The following SEL1L3 variants were observed in gnomAD, a reference collection of about 807,000 sequenced individuals.
The protein encoded by SEL1L3 is SEL1L family member 3, also known as protein sel-1 homolog 3.
Under a neutral mutation model 142.8 loss-of-function variants are expected in SEL1L3, and 76 were observed. The observed-to-expected ratio is 0.53, with a 90% CI of 0.44 to 0.64. The LOEUF (loss-of-function observed/expected upper bound fraction) is 0.64. SEL1L3 is among the 30% of genes least tolerant of loss of function. SEL1L3 has a pLI of 0.00. For synonymous variants in SEL1L3, 504 were observed against 519.6 expected (o/e 0.97, Z 0.41); for missense variants, 1,262 against 1,381.7 (o/e 0.91, Z 1.37).
chr4:25,744,740 G>A (rs1036910259), downstream of SEL1L3, among the ~76,000 whole-genome samples: 1 of 152,164 alleles, frequency 6.6e-6, no homozygotes, highest in Non-Finnish European at 1.5e-5. Context: ...CCCAACAAAT[G>A]TGTGTGGGTC....
rs1714529364 is a variant in SEL1L3 at position 25,818,277 on chromosome 4, GC to G, written c.1424del (p.Cys475SerfsTer29). On this transcript the variant is annotated frameshift_variant and splice_region_variant, in exon 9 of 24. Coordinates refer to ENST00000399878, the MANE Select transcript of SEL1L3 (RefSeq NM_015187.5). LOFTEE classifies it high-confidence loss of function. ...GGTCCAGGTAGGAGTTGTGGAGGTG[GC>G]CTACACAGAAGAGGGAGCAGAAGAT... ...AKHGGERQEA[C>X]HLHNSYLDLQ... 2 of 1,597,500 alleles carry G rather than the reference GC, an allele frequency of 1.3e-6. No individual in the cohort carries two copies. Among genetic ancestry groups the G allele is most frequent in the Non-Finnish European group, 8.5e-7 (1 of 1,171,822 alleles).
At chr4:25,768,917 A>AG (rs921114172) in intron 17 of SEL1L3, among the ~76,000 whole-genome samples, 11 of 152,226 alleles carry the variant, frequency 7.2e-5, no homozygotes, top group African/African-American at 2.6e-4. Flanking sequence ...AAATAAGCAG[A>AG]GAAAAAAAAA....
At chr4:25,782,559 A>G in intron 14 of SEL1L3, 141 bp from the exon 15 acceptor site, 1 of 726,968 alleles carries the variant, frequency 1.4e-6, no homozygotes, top group South Asian at 2.0e-5. Flanking sequence ...GGCATTAAAG[A>G]AAAGCTAAGT....
chr4:25,763,124 G>GA (rs1269804199), intron 20 of SEL1L3, among the ~76,000 whole-genome samples: 2 of 149,972 alleles, frequency 1.3e-5, no homozygotes, highest in African/African-American at 2.5e-5. Context: ...TATTTTTCTT[G>GA]AAAAAATTAT....
intron 20 of SEL1L3, among the ~76,000 whole-genome samples, chr4:25,760,672 CCT>C (rs1718315234): frequency 6.6e-6 from 1 of 152,024 alleles, no homozygotes; most frequent in Admixed American, 6.5e-5. Flanking sequence ...TTATATCTTC[CCT>C]CTGACCTTGC....
intron 11 of SEL1L3, among the ~76,000 whole-genome samples, chr4:25,799,879 T>C (rs1410325280): frequency 1.3e-5 from 2 of 151,986 alleles, no homozygotes; most frequent in African/African-American, 4.8e-5. Context: ...GAGGTGTAGA[T>C]GAGATCTCTG....
At chr4:25,826,677 TTTTTG>T (rs376411871) in intron 6 of SEL1L3, among the ~76,000 whole-genome samples, 3 of 152,022 alleles carry the variant, frequency 2.0e-5, no homozygotes, top group Non-Finnish European at 4.4e-5. Context: ...TTTGTTTTGT[TTTTTG>T]TTTTGTTTTG....
the SEL1L3 span, among the ~76,000 whole-genome samples, chr4:25,730,092 C>T: frequency 2.2e-4 from 33 of 151,788 alleles, no homozygotes; most frequent in African/African-American, 7.5e-4. Context: ...CGCCACCATG[C>T]CTGGCTAATT....
chr4:25,805,224 G>T (rs187088621), intron 9 of SEL1L3, among the ~76,000 whole-genome samples: 1 of 152,046 alleles, frequency 6.6e-6, no homozygotes, highest in East Asian at 1.9e-4. Flanking sequence ...TTTTCTCATG[G>T]GTCTCCAAAT....
chr4:25,759,964 T>C (rs548562982), intron 20 of SEL1L3: 97 of 152,358 alleles, frequency 6.4e-4, no homozygotes, highest in African/African-American at 2.2e-3. Context: ...ATGTACAGGT[T>C]TGTCATACAG....
chr4:25,790,739 G>A (rs1229020995), intron 11 of SEL1L3, among the ~76,000 whole-genome samples, 165 bp from the exon 12 acceptor site: 2 of 118,162 alleles, frequency 1.7e-5, no homozygotes, highest in Admixed American at 1.6e-4. Flanking sequence ...AGGGAAGGAA[G>A]GAAGGAAGGA....
chr4:25,721,461 AAGAT>A, the SEL1L3 span, among the ~76,000 whole-genome samples: 2 of 152,064 alleles, frequency 1.3e-5, no homozygotes, highest in Non-Finnish European at 2.9e-5. Flanking sequence ...TCTCGGTAGA[AAGAT>A]AGAAAAAAAA....
At chr4:25,850,126 T>G (rs1459208291) in intron 1 of SEL1L3, among the ~76,000 whole-genome samples, 1 of 152,096 alleles carries the variant, frequency 6.6e-6, no homozygotes. Flanking sequence ...CACGCAGGTA[T>G]GAGGTTAAAA....
chr4:25,780,508 C>T (rs1464643261), intron 15 of SEL1L3, among the ~76,000 whole-genome samples: 2 of 151,952 alleles, frequency 1.3e-5, no homozygotes, highest in Non-Finnish European at 2.9e-5. Context: ...CCCTGGCCTC[C>T]CTGCTGCTCC....
intron 2 of SEL1L3, among the ~76,000 whole-genome samples, chr4:25,839,157 G>T (rs1716015181): frequency 6.6e-6 from 1 of 152,220 alleles, no homozygotes; most frequent in African/African-American, 2.4e-5. Context: ...TCAAAAGCCA[G>T]TGGCCAATAA....
chr4:25,788,401 C>T lies in SEL1L3; in HGVS notation c.2077-37G>A. On this transcript the variant is annotated intron_variant, in intron 12 of 23. Coordinates refer to ENST00000399878, the MANE Select transcript of SEL1L3 (RefSeq NM_015187.5). This position sits in a 1 kb window ranked among gnomAD's most constrained non-coding sequence, Gnocchi z 5.3. ...TAGCAATTTAGAACAATGACTTTTC[C>T]TGTATAATGCTTAACACAAGATTTT... 1 of 1,605,784 alleles carries T rather than the reference C, an allele frequency of 6.2e-7. No individual in the cohort carries two copies. Among genetic ancestry groups the T allele is most frequent in the Non-Finnish European group, 8.5e-7 (1 of 1,175,400 alleles).
intron 9 of SEL1L3, among the ~76,000 whole-genome samples, chr4:25,817,410 C>G (rs1326929733): frequency 6.6e-6 from 1 of 152,220 alleles, no homozygotes; most frequent in African/African-American, 2.4e-5. Context: ...TTTCCTCTTC[C>G]TAACAGGCAT....
At chr4:25,783,228 T>C (rs1215871296) in intron 14 of SEL1L3, among the ~76,000 whole-genome samples, 1 of 152,230 alleles carries the variant, frequency 6.6e-6, no homozygotes, top group African/African-American at 2.4e-5. Flanking sequence ...CTTTTCTACT[T>C]CTGCCCTAGA....
chr4:25,799,472 C>T (rs1483042861), intron 11 of SEL1L3, among the ~76,000 whole-genome samples: 6 of 152,106 alleles, frequency 3.9e-5, no homozygotes, highest in South Asian at 2.1e-4. Flanking sequence ...ATCTGATTTC[C>T]GAGTATAGTT....
Sources: gnomAD v4.1 joint callset for allele counts (sites outside exome capture counted in the v4.1 genomes callset) on GRCh38, gnomAD v4.1.1 for gene constraint, Gnocchi (gnomAD v3.1) non-coding constraint, MANE v1.5 for transcripts, NCBI Gene and HGNC (gene_info 2026-07-23, HGNC 2026-07-21) for gene names.